The following RAD51B variants were observed in gnomAD, a reference collection of about 807,000 sequenced individuals.
The protein encoded by RAD51B is DNA repair protein RAD51 homolog 2.
In RAD51B, 38 loss-of-function variants were observed where a neutral mutation model predicts 42.2. The observed-to-expected ratio is 0.90, with a 90% confidence interval of 0.70 to 1.18. The LOEUF (loss-of-function observed/expected upper bound fraction) is 1.18. Ranked by LOEUF, RAD51B falls within the 50% of genes most tolerant of loss-of-function variation. RAD51B has a pLI of 0.00. For synonymous variants in RAD51B, 154 were observed against 145.2 expected, an observed-to-expected ratio of 1.06 and a Z score of -0.43; for missense variants, 373 against 400.7, an observed-to-expected ratio of 0.93 and a Z score of 0.59.
At chr14:68,496,757 C>A (rs1884554129) in intron 10 of RAD51B, among the ~76,000 whole-genome samples, 1 of 152,226 alleles carries the variant, frequency 6.6e-6, no homozygotes, top group African/African-American at 2.4e-5. Flanking sequence ...TCAACATTAA[C>A]AGGAGCTTGG....
chr14:68,633,205 T>C (rs1892272621), intron 10 of RAD51B, among the ~76,000 whole-genome samples: 1 of 151,812 alleles, frequency 6.6e-6, no homozygotes. Context: ...CCACAGACTC[T>C]CCAGGTCCTT....
In RAD51B at chr14:68,028,386, C is replaced by T. The variant is rs182759517; in HGVS notation, c.756+141182C>T. ...GAAACCATGGCAGGGAGATAGGCCA[C>T]ACCCTTTCTATATTGACCTTGCAGA... On this transcript the variant is annotated intron_variant, in intron 7 of 10. Coordinates refer to ENST00000471583, the MANE Select transcript of RAD51B (RefSeq NM_133510.4). 8.0e-4 allele frequency among the ~76,000 whole-genome samples: 122 copies of T among 152,298 alleles called. 1 individual carries two copies. The highest frequency in any genetic ancestry group is 1.4e-3 in the Non-Finnish European group (93 of 68,010).
At chr14:68,460,906 A>G (rs980503315) in intron 9 of RAD51B, among the ~76,000 whole-genome samples, 1 of 152,208 alleles carries the variant, frequency 6.6e-6, no homozygotes, top group African/African-American at 2.4e-5. Flanking sequence ...AAAAATGGAT[A>G]TGAATCAGTA....
At chr14:68,602,615 T>C (rs1160716019) in intron 10 of RAD51B, among the ~76,000 whole-genome samples, 1 of 152,214 alleles carries the variant, frequency 6.6e-6, no homozygotes, top group Non-Finnish European at 1.5e-5. Flanking sequence ...TTTATGCAAT[T>C]GTGGAGGCTG....
At chr14:68,038,293 T>C (rs1331769730) in intron 7 of RAD51B, among the ~76,000 whole-genome samples, 8 of 152,246 alleles carry the variant, frequency 5.3e-5, no homozygotes, top group Admixed American at 5.2e-4. Context: ...GAAAACATTC[T>C]TTAGGATTCA....
chr14:68,156,215 T>C (rs1408124195), intron 7 of RAD51B, among the ~76,000 whole-genome samples: 7 of 152,234 alleles, frequency 4.6e-5, no homozygotes, highest in African/African-American at 1.7e-4. Context: ...TCACTTTTTT[T>C]GTGTGTGCAT....
At chr14:68,502,862 C>T (rs539231901) in intron 10 of RAD51B, among the ~76,000 whole-genome samples, 11 of 152,284 alleles carry the variant, frequency 7.2e-5, no homozygotes, top group Non-Finnish European at 1.3e-4. Flanking sequence ...ACTCCTTTAT[C>T]GTGGTTCTCT....
chr14:68,039,296 C>T (rs1424032876), intron 7 of RAD51B, among the ~76,000 whole-genome samples: 5 of 151,692 alleles, frequency 3.3e-5, no homozygotes, highest in East Asian at 1.9e-4. Context: ...GGTGTGGTGG[C>T]GCATGCCTGT....
At chr14:68,620,795 T>C (rs562803079) in intron 10 of RAD51B, among the ~76,000 whole-genome samples, 28 of 152,226 alleles carry the variant, frequency 1.8e-4, no homozygotes, top group Non-Finnish European at 2.9e-4. Context: ...ATACAATTGG[T>C]CTGGGATGGG....
chr14:68,094,204 C>G (rs1020583107), intron 7 of RAD51B, among the ~76,000 whole-genome samples: 3 of 152,038 alleles, frequency 2.0e-5, no homozygotes, highest in African/African-American at 7.3e-5. Flanking sequence ...TCAAACATAT[C>G]ACTTTTTAAA....
chr14:68,106,643 A>G (rs79484008), intron 7 of RAD51B, among the ~76,000 whole-genome samples: 3,811 of 152,038 alleles, frequency 0.025, 153 homozygotes, highest in African/African-American at 0.087. Context: ...AGGGTATGGT[A>G]GCACTGTGAT....
At chr14:68,100,270 G>A (rs765532425) in intron 7 of RAD51B, among the ~76,000 whole-genome samples, 5 of 152,128 alleles carry the variant, frequency 3.3e-5, no homozygotes, top group Non-Finnish European at 7.3e-5. Flanking sequence ...AGTCATATTG[G>A]ATACTCATGT....
chr14:68,063,511 G>A (rs1315806662), intron 7 of RAD51B, among the ~76,000 whole-genome samples: 4 of 152,126 alleles, frequency 2.6e-5, no homozygotes, highest in Non-Finnish European at 4.4e-5. Context: ...CGAAGCGGGC[G>A]GAAATCATGA....
chr14:68,121,089 A>T (rs796797267), intron 7 of RAD51B, among the ~76,000 whole-genome samples: 7 of 152,306 alleles, frequency 4.6e-5, no homozygotes, highest in African/African-American at 1.4e-4. Flanking sequence ...CCCTGAGATC[A>T]TGAAATTATC....
chr14:68,217,221 G>A (rs999769799), intron 7 of RAD51B, among the ~76,000 whole-genome samples: 1 of 152,162 alleles, frequency 6.6e-6, no homozygotes, highest in African/African-American at 2.4e-5. Flanking sequence ...TGGGCTAGGT[G>A]TCCTCTTTCT....
chr14:68,617,975 G>T (rs1472575140), intron 10 of RAD51B, among the ~76,000 whole-genome samples: 3 of 152,060 alleles, frequency 2.0e-5, no homozygotes, highest in Non-Finnish European at 4.4e-5. Flanking sequence ...CTTAAGAACA[G>T]GTTTTGATAA....
chr14:68,613,390 C>T (rs1181208590), downstream of RAD51B, among the ~76,000 whole-genome samples: 1 of 151,548 alleles, frequency 6.6e-6, no homozygotes, highest in East Asian at 1.9e-4. Context: ...TGCACTCCAG[C>T]CTGGGCAACA....
chr14:67,998,639 C>G (rs537169058), intron 7 of RAD51B, among the ~76,000 whole-genome samples: 1 of 152,288 alleles, frequency 6.6e-6, no homozygotes, highest in African/African-American at 2.4e-5. Context: ...GCAAGTGCCA[C>G]TGGTGAGTAT....
rs147955984 is a variant in RAD51B at position 68,240,342 on chromosome 14, T to G, written c.757-51542T>G. 2.0e-5 allele frequency among the ~76,000 whole-genome samples: 3 copies of G among 152,220 alleles called. No homozygotes were observed. The East Asian group carries it at 5.8e-4, about 29-fold the overall frequency. On this transcript the variant is annotated intron_variant, in intron 7 of 10. Coordinates refer to ENST00000471583, the MANE Select transcript of RAD51B (RefSeq NM_133510.4). ...CAGCCACTTAGGGAAGGACAGACAA[T>G]AAACAGGAACTTCTGGGGATTGTCT...
Sources: allele counts gnomAD v4.1 joint callset (sites outside exome capture counted in the v4.1 genomes callset), GRCh38; gene constraint gnomAD v4.1.1; transcripts MANE v1.5; gene names NCBI Gene and HGNC (gene_info 2026-07-23, HGNC 2026-07-21).